SAP130: variants seen among roughly 807,000 people sequenced by gnomAD.
SAP130 encodes Sin3A associated protein 130.
In SAP130, 16 loss-of-function variants were observed where a neutral mutation model predicts 103.2. The ratio of observed to expected loss-of-function variants is 0.16; its 90% CI spans 0.10 to 0.24. The LOEUF is 0.24. Among genes scored for constraint, SAP130 ranks in the 10% least tolerant of loss-of-function variants. SAP130 has a pLI of 1.00. For missense variants in SAP130, 990 were observed against 1,359.7 expected, an observed-to-expected ratio of 0.73 and a Z score of 4.28; for synonymous variants, 477 against 497.0, an observed-to-expected ratio of 0.96 and a Z score of 0.53.
At chr2:128,002,812 A>T (rs1683656214) in intron 7 of SAP130, among the ~76,000 whole-genome samples, 1 of 152,196 alleles carries the variant, frequency 6.6e-6, no homozygotes, top group African/African-American at 2.4e-5. Flanking sequence ...TCAAAGGCTA[A>T]CGGGAGTCAT....
chr2:128,027,565 G>A (rs1228508885), intron 1 of SAP130, among the ~76,000 whole-genome samples: 3 of 151,786 alleles, frequency 2.0e-5, no homozygotes, highest in African/African-American at 4.8e-5. Context: ...GGCGGGCGCA[G>A]GGCCCGGATG....
chr2:127,956,956 T>C (rs2104771451), intron 15 of SAP130, among the ~76,000 whole-genome samples: 1 of 152,324 alleles, frequency 6.6e-6, no homozygotes, highest in Admixed American at 6.5e-5. Context: ...TTTTTACTCT[T>C]ATATTCTCAG....
chr2:127,974,960 C>T (rs1177711414), intron 15 of SAP130, among the ~76,000 whole-genome samples: 1 of 152,122 alleles, frequency 6.6e-6, no homozygotes, highest in African/African-American at 2.4e-5. Context: ...TCTAGGTATG[C>T]AGTAGGCCAT....
intron 15 of SAP130, among the ~76,000 whole-genome samples, chr2:127,959,313 A>G (rs1020214988): frequency 3.9e-5 from 6 of 152,194 alleles, no homozygotes; most frequent in African/African-American, 1.4e-4. Flanking sequence ...TAGCCCAAGA[A>G]CCAAGAAAAA....
rs1199833535 is a variant in SAP130 at position 127,989,511 on chromosome 2, C to T, written c.1780+53G>A. 3 of 1,499,500 alleles carry T rather than the reference C, an allele frequency of 2.0e-6. No homozygotes were observed. The highest frequency in any genetic ancestry group is 1.4e-5 in the African/African-American group (1 of 71,664). The allele number at this position is 1,499,500 out of a possible 1,614,324, so 92.9% of individuals were successfully genotyped here. ...CCAGTGGCAGAGAAAGGATTTAAAC[C>T]CAAATGTATTTCTTTTCTCCAAACC... On this transcript the variant is annotated intron_variant, in intron 13 of 20. Coordinates refer to ENST00000643581, the MANE Select transcript of SAP130 (RefSeq NM_001330301.2). This position sits in a 1 kb window ranked among gnomAD's most constrained non-coding sequence, Gnocchi z 4.6.
At chr2:127,959,281 C>A (rs1680067527) in intron 15 of SAP130, among the ~76,000 whole-genome samples, 1 of 152,110 alleles carries the variant, frequency 6.6e-6, no homozygotes, top group Non-Finnish European at 1.5e-5. Context: ...AAAAAAAAGT[C>A]CCAAGAAAAG....
intron 2 of SAP130, among the ~76,000 whole-genome samples, chr2:128,023,169 AT>A (rs1490002786): frequency 6.6e-6 from 1 of 151,762 alleles, no homozygotes; most frequent in African/African-American, 2.4e-5. Context: ...TAATTTTTGT[AT>A]TTTTAGTAGA....
chr2:127,998,876 G>C (rs1373256231), intron 10 of SAP130, among the ~76,000 whole-genome samples: 2 of 152,168 alleles, frequency 1.3e-5, no homozygotes, highest in Non-Finnish European at 2.9e-5. Context: ...TAAGCGTCTG[G>C]GCTTGGCTCT....
rs867544407 is a variant in SAP130 at position 127,986,768 on chromosome 2, C to T, written c.1958+17G>A. On this transcript the variant is annotated intron_variant, in intron 14 of 20. Coordinates refer to ENST00000643581, the MANE Select transcript of SAP130 (RefSeq NM_001330301.2). This position sits in a 1 kb window ranked among gnomAD's most constrained non-coding sequence, Gnocchi z 4.7. ...CCAGAACCAGAGGTGTCATTCGGCA[C>T]TACCAGGTCTACTCACCCATCTGTG... The T allele has an allele frequency of 1.2e-5, 19 of 1,610,692 alleles. 1 individual carries two copies. The Middle Eastern group carries it at 2.0e-3, about 166-fold the overall frequency.
intron 4 of SAP130, among the ~76,000 whole-genome samples, chr2:128,015,168 A>G (rs987821153): frequency 6.6e-6 from 1 of 152,206 alleles, no homozygotes; most frequent in Non-Finnish European, 1.5e-5. Flanking sequence ...ATATACTTCG[A>G]TATCTACGTT....
intron 2 of SAP130, among the ~76,000 whole-genome samples, chr2:128,018,771 T>C (rs1684958765): frequency 6.7e-6 from 1 of 149,266 alleles, no homozygotes; most frequent in Non-Finnish European, 1.5e-5. Flanking sequence ...CACTCCAGCT[T>C]GGATGACACA....
chr2:128,014,753 A>AGTAG, intron 5 of SAP130, 50 bp downstream of exon 5: 1 of 1,282,106 alleles, frequency 7.8e-7, no homozygotes, highest in Non-Finnish European at 1.1e-6. Flanking sequence ...TACCAAATGT[A>AGTAG]TATCTACTAC....
chr2:127,981,657 C>G, intron 14 of SAP130, among the ~76,000 whole-genome samples: 3 of 115,972 alleles, frequency 2.6e-5, no homozygotes, highest in Non-Finnish European at 3.6e-5. Flanking sequence ...TCAGCTCCCC[C>G]ACCCCGACCC....
At chr2:128,007,013 G>A (rs950449140) in intron 7 of SAP130, among the ~76,000 whole-genome samples, 1 of 152,146 alleles carries the variant, frequency 6.6e-6, no homozygotes, top group Non-Finnish European at 1.5e-5. Context: ...TGTTATATGA[G>A]TGAATGCTAA....
intron 2 of SAP130, among the ~76,000 whole-genome samples, chr2:128,020,023 T>C (rs1685044897): frequency 6.6e-6 from 1 of 152,354 alleles, no homozygotes; most frequent in Middle Eastern, 3.4e-3. Flanking sequence ...TTTACTTATG[T>C]AGAGAATTTA....
At chr2:127,981,658 A>C (rs1175877963) in intron 14 of SAP130, among the ~76,000 whole-genome samples, 4 of 17,996 alleles carry the variant, frequency 2.2e-4, no homozygotes, top group Admixed American at 8.7e-4. Context: ...CAGCTCCCCC[A>C]CCCCGACCCA....
Position 127,996,949 on chromosome 2 carries a change from A to T in SAP130, c.1214-458T>A, listed in dbSNP as rs1490305658. On this transcript the variant is annotated intron_variant, in intron 10 of 20. Coordinates refer to ENST00000643581, the MANE Select transcript of SAP130 (RefSeq NM_001330301.2). The surrounding 1 kb of genome is among the most constrained non-coding windows in gnomAD (Gnocchi z 4.3). ...ATAAATAAACACACAATTTTGGATTAAAAAACGGAAAAAACAAACAAACAA... is the reference window on the plus strand; with the variant it reads ...ATAAATAAACACACAATTTTGGATTTAAAAACGGAAAAAACAAACAAACAA... Among the ~76,000 whole-genome samples, 2 of 152,186 alleles carry T rather than the reference A, an allele frequency of 1.3e-5. No homozygotes were observed. Among genetic ancestry groups the T allele is most frequent in the Admixed American group, 6.5e-5 (1 of 15,272 alleles).
chr2:128,003,467 A>T (rs1431815290), intron 7 of SAP130, among the ~76,000 whole-genome samples: 3 of 148,012 alleles, frequency 2.0e-5, no homozygotes, highest in East Asian at 2.2e-4. Flanking sequence ...TGACTGCGCC[A>T]CTGCAACCTT....
At chr2:128,027,632 C>T (rs2105280512) in intron 1 of SAP130, among the ~76,000 whole-genome samples, 2 of 142,328 alleles carry the variant, frequency 1.4e-5, no homozygotes, top group African/African-American at 5.1e-5. Context: ...GCCGCCCGCC[C>T]GCCCGCCCGC....
Sources: gnomAD v4.1 joint callset for allele counts (sites outside exome capture counted in the v4.1 genomes callset) on GRCh38, gnomAD v4.1.1 for gene constraint, Gnocchi (gnomAD v3.1) non-coding constraint, MANE v1.5 for transcripts, NCBI Gene and HGNC (gene_info 2026-07-23, HGNC 2026-07-21) for gene names.